TOMM40: variants seen among roughly 807,000 people sequenced by gnomAD.
TOMM40 encodes the protein mitochondrial import receptor subunit TOM40 homolog.
A neutral mutation model predicts 38.4 loss-of-function variants in TOMM40; 9 were observed. The observed-to-expected ratio is 0.23, with a 90% confidence interval of 0.14 to 0.41. TOMM40 has a LOEUF of 0.41. TOMM40 is among the 10% of genes least tolerant of loss of function. TOMM40 has a pLI of 1.00. For missense variants in TOMM40, 299 were observed against 486.5 expected, an observed-to-expected ratio of 0.61 and a Z score of 3.63; for synonymous variants, 184 against 210.0, an observed-to-expected ratio of 0.88 and a Z score of 1.07.
intron 5 of TOMM40, among the ~76,000 whole-genome samples, chr19:44,898,525 C>CTTTTTTTTTTTTTTT: frequency 2.8e-3 from 250 of 88,992 alleles, no homozygotes; most frequent in Non-Finnish European, 3.3e-3. Context: ...TTTTTTTTTT[C>CTTTTTTTTTTTTTTT]TTTTTTTTTT....
At chr19:44,897,916 C>T (rs1012621521) in intron 5 of TOMM40, among the ~76,000 whole-genome samples, 2 of 152,126 alleles carry the variant, frequency 1.3e-5, no homozygotes, top group Admixed American at 6.5e-5. Context: ...AGCTACTGTG[C>T]CCCGCCCGTG....
chr19:44,901,736 C>CA (rs920186366), intron 8 of TOMM40: 1,554 of 159,990 alleles, frequency 9.7e-3, no homozygotes, highest in East Asian at 0.017. Context: ...GACTCCATCT[C>CA]AAAAAAAAAA....
chr19:44,892,608 C>A, intron 2 of TOMM40, 148 bp downstream of exon 2: 1 of 837,566 alleles, frequency 1.2e-6, no homozygotes, highest in Non-Finnish European at 2.0e-6. Context: ...AGACTGACTA[C>A]TCAGTTTGGG....
intron 6 of TOMM40, 72 bp downstream of exon 6, chr19:44,900,924 G>A (rs575766773): frequency 1.9e-5 from 31 of 1,607,880 alleles, no homozygotes; most frequent in Middle Eastern, 1.7e-4. Context: ...GAGGGAGGAC[G>A]GGCTAGGGCC....
intron 5 of TOMM40, among the ~76,000 whole-genome samples, chr19:44,896,990 T>C (rs1264648540): frequency 6.6e-6 from 1 of 152,182 alleles, no homozygotes; most frequent in African/African-American, 2.4e-5. Context: ...TCCCAGCTAC[T>C]TGGGAGCCTG....
intron 5 of TOMM40, among the ~76,000 whole-genome samples, 188 bp downstream of exon 5, chr19:44,894,254 G>T (rs1317172946): frequency 1.4e-5 from 2 of 141,956 alleles, no homozygotes; most frequent in Non-Finnish European, 3.0e-5. Context: ...GGGTGAGTCA[G>T]AGCAGTCTTT....
Position 44,903,382 on chromosome 19 carries a change from T to G in TOMM40, c.*213T>G. The G allele has an allele frequency of 1.9e-6, 1 of 516,972 alleles. No individual in the cohort carries two copies. Among genetic ancestry groups the G allele is most frequent in the Non-Finnish European group, 3.3e-6 (1 of 298,840 alleles). 32.0% of individuals were successfully genotyped at this position (516,972 alleles called of 1,614,324 possible). On this transcript the variant is annotated 3_prime_UTR_variant, in exon 9 of 9. Transcript: ENST00000426677. ...GGGATTCTGAGTAGCAGGGGCAGCA[T>G]GCCCAGTGGGCCTGGGGTCCCGGGA...
intron 7 of TOMM40, 33 bp from the exon 8 acceptor site, chr19:44,901,175 G>A (rs117264457): frequency 0.018 from 28,728 of 1,613,762 alleles, 326 homozygotes; most frequent in Non-Finnish European, 0.022. Flanking sequence ...GGGGCCACTT[G>A]CTAATTCTCA....
At position 44,893,863 on chromosome 19, in the gene TOMM40, G is replaced by T. The variant is rs778788737; in HGVS notation, c.519G>T (p.Arg173Ser). ...TTCACCAGCTGGGCCCCGGTCTCAG[G>T]TCCAAGATGGCCATCCAGGTGAGTG... ...QVIHQLGPGL[R>S]SKMAIQTQQS... The change falls in exon 4 of 9, where the codon AGG becomes AGT. Residue 173 changes from arginine (R) to serine (S), a missense_variant. By Grantham distance (110) the Arg-to-Ser change is moderately radical. Coordinates refer to ENST00000426677, the MANE Select transcript of TOMM40 (RefSeq NM_001128917.2). 6.2e-7 allele frequency: 1 copy of T among 1,612,382 alleles called. No individual in the cohort carries two copies. Among genetic ancestry groups the T allele is most frequent in the East Asian group, 2.2e-5 (1 of 44,884 alleles).
chr19:44,901,061 A>G lies in TOMM40; in HGVS notation c.800A>G (p.Gln267Arg). 6.2e-7 allele frequency: 1 copy of G among 1,614,232 alleles called. No individual in the cohort carries two copies. Residue 267 changes from glutamine to arginine, a missense_variant, in exon 7 of 9, where the codon CAG becomes CGG. Transcript: ENST00000426677. ...TGGTTGGCAACGGTAACGTTGGGCCAGGCGGGCATGCACGCAACATACTAC... is the reference window on the plus strand; with the variant it reads ...TGGTTGGCAACGGTAACGTTGGGCCGGGCGGGCATGCACGCAACATACTAC... ...NNWLATVTLG[Q>R]AGMHATYYHK...
Position 44,894,066 on chromosome 19 carries a change from G to A in TOMM40, c.643G>A (p.Gly215Arg). The A allele has an allele frequency of 6.6e-7, 1 of 1,505,104 alleles. No homozygotes were observed. The highest frequency in any genetic ancestry group is 8.9e-7 in the Non-Finnish European group (1 of 1,126,062). 93.2% of individuals were successfully genotyped at this position (1,505,104 alleles called of 1,614,324 possible). ...GAACCCAGACGTCCTCGTGGGTTCA[G>A]GTAAGAGGCGGAGGGCTTGGAGGGT... Reference protein sequence around the residue: ...LGNPDVLVGSGILVAHYLQSI... With the variant: ...LGNPDVLVGSRILVAHYLQSI... Residue 215 changes from glycine to arginine, a missense_variant and splice_region_variant, in exon 5 of 9, where the codon GGA becomes AGA. Transcript: ENST00000426677.
chr19:44,892,620 A>G (rs538669604), intron 2 of TOMM40, among the ~76,000 whole-genome samples, 160 bp downstream of exon 2: 1 of 152,246 alleles, frequency 6.6e-6, no homozygotes, highest in Non-Finnish European at 1.5e-5. Flanking sequence ...CAGTTTGGGG[A>G]CCTAGAATCC....
In TOMM40 at chr19:44,891,460, A is replaced by G. The variant is rs1032590721; in HGVS notation, c.45A>G (p.Pro15=). 5.4e-6 allele frequency: 7 copies of G among 1,299,818 alleles called. No individual in the cohort carries two copies. In the African/African-American group the frequency reaches 1.1e-4, roughly 20 times the overall value. 80.5% of individuals were successfully genotyped at this position (1,299,818 alleles called of 1,614,324 possible). The change falls in exon 1 of 9, where the codon CCA becomes CCG. Residue 15 remains proline, a synonymous_variant. Coordinates refer to ENST00000426677, the MANE Select transcript of TOMM40 (RefSeq NM_001128917.2). ...CCAGCTCGCCGCCCGCAGGGCCGCC[A>G]CCGCCGCCTGCGCCGGCCCTCGTGG... ...LAASSPPAGP[P]PPPAPALVGL...
intron 8 of TOMM40, chr19:44,902,115 A>G (rs778253984): frequency 6.6e-6 from 1 of 152,180 alleles, no homozygotes; most frequent in African/African-American, 2.4e-5. Context: ...GAAATAAATA[A>G]ATAAATGTTA....
Position 44,903,425 on chromosome 19 carries a change from G to A in TOMM40, c.*256G>A, listed in dbSNP as rs1214946512. The stretch of plus-strand genomic sequence containing the variant: ...TCCCGGGAGGGATTCCGGAATTGAG[G>A]GGCACGCAGGATTCTGAGCACCAGG... On this transcript the variant is annotated 3_prime_UTR_variant, in exon 9 of 9. Transcript: ENST00000426677. 1.0e-5 allele frequency: 4 copies of A among 396,272 alleles called. No individual in the cohort carries two copies. The highest frequency in any genetic ancestry group is 1.8e-5 in the Non-Finnish European group (4 of 218,238). The allele number at this position is 396,272 out of a possible 1,614,324, so 24.5% of individuals were successfully genotyped here.
chr19:44,899,704 G>A (rs1356657070), intron 5 of TOMM40, among the ~76,000 whole-genome samples: 1 of 149,664 alleles, frequency 6.7e-6, no homozygotes, highest in Non-Finnish European at 1.5e-5. Flanking sequence ...TGTCACCTAG[G>A]CTTGTCTCCA....
intron 5 of TOMM40, among the ~76,000 whole-genome samples, chr19:44,897,902 C>G (rs113886004): frequency 6.6e-6 from 1 of 151,934 alleles, no homozygotes; most frequent in Non-Finnish European, 1.5e-5. Context: ...GGATTACAGG[C>G]GTGAGCTACT....
intron 5 of TOMM40, among the ~76,000 whole-genome samples, chr19:44,897,730 C>T (rs1011031170): frequency 2.6e-5 from 4 of 151,026 alleles, no homozygotes; most frequent in Admixed American, 1.3e-4. Context: ...GCCGAGATGA[C>T]GCCTTTGCAC....
At chr19:44,894,261 C>CTT (rs35647923) in intron 5 of TOMM40, among the ~76,000 whole-genome samples, 195 bp downstream of exon 5, 63,189 of 133,160 alleles carry the variant, frequency 0.47, 16,327 homozygotes, top group African/African-American at 0.64. Flanking sequence ...TCAGAGCAGT[C>CTT]TTTTTTTTTT....
Sources: allele counts gnomAD v4.1 joint callset (sites outside exome capture counted in the v4.1 genomes callset), GRCh38; gene constraint gnomAD v4.1.1; transcripts MANE v1.5; gene names NCBI Gene and HGNC (gene_info 2026-07-23, HGNC 2026-07-21).